Variants in ATP2B1 observed in about 807,000 individuals in gnomAD.
The protein encoded by ATP2B1 is ATPase plasma membrane Ca2+ transporting 1, also known as plasma membrane calcium-transporting ATPase 1.
Under a neutral mutation model 124.2 loss-of-function variants are expected in ATP2B1, and 14 were observed. That is an observed-to-expected ratio of 0.11 (90% CI 0.07 to 0.18). The LOEUF is 0.18. ATP2B1 is among the 10% of genes least tolerant of loss of function. The pLI, the probability that ATP2B1 is intolerant of heterozygous loss-of-function variation, is 1.00. For synonymous variants in ATP2B1, 449 were observed against 492.4 expected (o/e 0.91, Z 1.17); for missense variants, 763 against 1,466.1 (o/e 0.52, Z 7.83).
Position 89,695,218 on chromosome 12 carries a change from G to A in ATP2B1, c.-222+13378C>T, listed in dbSNP as rs564258069. Among the ~76,000 whole-genome samples the A allele has an allele frequency of 1.2e-4, 19 of 152,144 alleles. No individual in the cohort carries two copies. In the South Asian group the frequency reaches 3.9e-3, roughly 32 times the overall value. On this transcript the variant is annotated intron_variant, in intron 1 of 20. Transcript: ENST00000428670. Reference sequence around the variant, plus strand: ...CCTATTCATTATAGAAGAGATCACAGACCAGGAATGGGACATGTGCACACA... The same window carrying A: ...CCTATTCATTATAGAAGAGATCACAAACCAGGAATGGGACATGTGCACACA...
At chr12:89,621,817 AG>A in intron 9 of ATP2B1, 26 bp from the exon 10 acceptor site, 1 of 1,384,284 alleles carries the variant, frequency 7.2e-7, no homozygotes, top group Non-Finnish European at 9.7e-7. Flanking sequence ...AAAAAAAACT[AG>A]TTAAGCTGCA....
At chr12:89,631,131 A>C (rs1881804965) in intron 5 of ATP2B1, among the ~76,000 whole-genome samples, 1 of 152,086 alleles carries the variant, frequency 6.6e-6, no homozygotes, top group East Asian at 1.9e-4. Context: ...TAAGGTTTTA[A>C]CTCTAATCAG....
At chr12:89,677,969 TATACACAC>T (rs71088680) in intron 1 of ATP2B1, among the ~76,000 whole-genome samples, 3,164 of 59,250 alleles carry the variant, frequency 0.053, 115 homozygotes, top group Non-Finnish European at 0.079. Context: ...TATATATATA[TATACACAC>T]ACACACACAC....
chr12:89,664,135 G>T (rs905737684), intron 1 of ATP2B1, among the ~76,000 whole-genome samples: 1 of 152,118 alleles, frequency 6.6e-6, no homozygotes, highest in Non-Finnish European at 1.5e-5. Flanking sequence ...GTGTAAAAAA[G>T]AAAAAACCAC....
chr12:89,595,357 G>GA (rs71448761), intron 20 of ATP2B1, among the ~76,000 whole-genome samples: 29 of 149,834 alleles, frequency 1.9e-4, no homozygotes, highest in South Asian at 6.3e-4. Flanking sequence ...ATTTATTCAG[G>GA]AAAAAAAAAT....
intron 1 of ATP2B1, among the ~76,000 whole-genome samples, chr12:89,679,854 A>C (rs1405659160): frequency 6.6e-6 from 1 of 152,192 alleles, no homozygotes; most frequent in Non-Finnish European, 1.5e-5. Flanking sequence ...AGAGATTGAA[A>C]GGGAATAGCA....
rs115759925 is a variant in ATP2B1, at chr12:89,627,337, T to C, written c.967+341A>G. Among the ~76,000 whole-genome samples, 1,226 of 151,810 alleles carry C rather than the reference T, an allele frequency of 8.1e-3. 17 individuals carry two copies. The highest frequency in any genetic ancestry group is 0.028 in the African/African-American group (1,173 of 41,310). ...GGCAATGTATAAATAAATTTCGTGTTTGGAGTTGGGTCTCTTCCCCAAGAT... is the reference window on the plus strand; with the variant it reads ...GGCAATGTATAAATAAATTTCGTGTCTGGAGTTGGGTCTCTTCCCCAAGAT... On this transcript the variant is annotated intron_variant, in intron 7 of 20. Coordinates refer to ENST00000428670, the MANE Select transcript of ATP2B1 (RefSeq NM_001366521.1).
intron 20 of ATP2B1, chr12:89,598,471 A>G (rs990756211): frequency 6.4e-6 from 8 of 1,253,882 alleles, no homozygotes; most frequent in Non-Finnish European, 8.8e-6. Flanking sequence ...CCACTTTACG[A>G]AAAGAAAGCT....
At chr12:89,644,749 C>T (rs1023282622) in intron 2 of ATP2B1, among the ~76,000 whole-genome samples, 1 of 152,146 alleles carries the variant, frequency 6.6e-6, no homozygotes, top group Non-Finnish European at 1.5e-5. Context: ...CTAACTCACA[C>T]TGTATAAAGA....
intron 1 of ATP2B1, among the ~76,000 whole-genome samples, chr12:89,668,075 G>T (rs866311531): frequency 1.3e-5 from 2 of 152,146 alleles, no homozygotes; most frequent in Non-Finnish European, 2.9e-5. Context: ...TGGGGAAGGG[G>T]CTAAAAACTG....
intron 20 of ATP2B1, chr12:89,598,779 CAAG>C: frequency 6.2e-7 from 1 of 1,610,276 alleles, no homozygotes; most frequent in Non-Finnish European, 8.5e-7. Flanking sequence ...GCTTGCTCAG[CAAG>C]AGAGAGAGAG....
chr12:89,642,753 T>G (rs1161859199), intron 2 of ATP2B1, among the ~76,000 whole-genome samples: 3 of 152,028 alleles, frequency 2.0e-5, no homozygotes, highest in Non-Finnish European at 4.4e-5. Flanking sequence ...TATAGGTGCA[T>G]GCCACCACAC....
intron 1 of ATP2B1, among the ~76,000 whole-genome samples, chr12:89,670,368 C>A (rs533027263): frequency 2.3e-5 from 2 of 88,172 alleles, no homozygotes; most frequent in African/African-American, 8.0e-5. Flanking sequence ...AAAATAAAAC[C>A]GAATTTTTTT....
chr12:89,645,997 G>C (rs1417034054), intron 2 of ATP2B1, among the ~76,000 whole-genome samples: 2 of 152,134 alleles, frequency 1.3e-5, no homozygotes, highest in Non-Finnish European at 2.9e-5. Context: ...AGGCAGAAGG[G>C]GATAAGTGGA....
intron 3 of ATP2B1, 138 bp from the exon 4 acceptor site, chr12:89,635,389 A>C: frequency 9.3e-7 from 1 of 1,079,196 alleles, no homozygotes; most frequent in Non-Finnish European, 1.3e-6. Flanking sequence ...TATTAAATTC[A>C]AAGTATTCCA....
chr12:89,636,445 C>T (rs894364730), intron 3 of ATP2B1, among the ~76,000 whole-genome samples: 3 of 152,026 alleles, frequency 2.0e-5, no homozygotes, highest in South Asian at 4.1e-4. Flanking sequence ...CTTATAAATT[C>T]GCATGAAGGA....
chr12:89,658,625 GAGAGAGAGAGAGAGAGAGAGAGAT>G (rs1443711857), intron 1 of ATP2B1, among the ~76,000 whole-genome samples: 5 of 150,830 alleles, frequency 3.3e-5, no homozygotes, highest in African/African-American at 2.4e-5. Context: ...GAGAGAGAGA[GAGAGAGAGAGAGAGAGAGAGAGAT>G]AGAGATAGCA....
chr12:89,651,580 T>C (rs1468273017), intron 2 of ATP2B1, among the ~76,000 whole-genome samples: 3 of 152,200 alleles, frequency 2.0e-5, no homozygotes. Context: ...GGTATGTTTT[T>C]TAAATAAAGA....
chr12:89,604,282 G>C lies in ATP2B1; in HGVS notation c.2507C>G (p.Thr836Arg). The C allele has an allele frequency of 1.2e-6, 2 of 1,613,732 alleles. No individual in the cohort carries two copies. The highest frequency in any genetic ancestry group is 1.7e-6 in the Non-Finnish European group (2 of 1,179,896). The change falls in exon 16 of 21, where the codon ACA (threonine) becomes AGA (arginine). Residue 836 changes from threonine (T) to arginine (R), a missense_variant. By Grantham distance (71) the Thr-to-Arg change is moderately conservative (BLOSUM62 -1). Around this residue, in one of 7 missense-constraint regions of ATP2B1, gnomAD observed 51 missense variants for 192.8 expected, o/e 0.26. Coordinates refer to ENST00000428670, the MANE Select transcript of ATP2B1 (RefSeq NM_001366521.1). ...SDIILTDDNF[T>R]SIVKAVMWGR... ...CCACATAACTGCTTTAACAATGCTTGTAAAGTTGTCATCTGTGAGAATAAT... is the reference window on the plus strand; with the variant it reads ...CCACATAACTGCTTTAACAATGCTTCTAAAGTTGTCATCTGTGAGAATAAT...
Sources: allele counts gnomAD v4.1 joint callset (sites outside exome capture counted in the v4.1 genomes callset), GRCh38; gene constraint gnomAD v4.1.1; regional missense constraint gnomAD v4.1.1; transcripts MANE v1.5; gene names NCBI Gene and HGNC (gene_info 2026-07-23, HGNC 2026-07-21).